The following NTM variants were observed in gnomAD, a reference collection of about 807,000 sequenced individuals.
NTM encodes neurotrimin, also known as IgLON family member 2.
In NTM, 13 loss-of-function variants were observed where a neutral mutation model predicts 42.1. The ratio of observed to expected loss-of-function variants is 0.31; its 90% CI spans 0.20 to 0.49. The LOEUF is 0.49. Ranked by LOEUF, NTM falls within the 20% of genes least tolerant of loss-of-function variation. The probability of loss-of-function intolerance (pLI) is 0.99; values close to 1 mark genes in which losing one functional copy is unlikely to be tolerated. For missense variants in NTM, 373 were observed against 452.8 expected, an observed-to-expected ratio of 0.82 and a Z score of 1.60; for synonymous variants, 187 against 179.2, an observed-to-expected ratio of 1.04 and a Z score of -0.35.
chr11:131,933,662 G>C (rs1484165375), intron 2 of NTM, among the ~76,000 whole-genome samples: 2 of 151,788 alleles, frequency 1.3e-5, no homozygotes, highest in Non-Finnish European at 2.9e-5. Flanking sequence ...CCTCTTCCTG[G>C]AAAGACTCTA....
In NTM at chr11:132,315,822, C is replaced by T. The variant is rs182131148; in HGVS notation, c.934+1119C>T. ...CTGAGAGAGCTGGGAAGGAGAAAGC[C>T]GCCCTTGATCCCCGAGCCAGTGGCT... is the stretch of plus-strand genomic sequence containing the variant. On this transcript the variant is annotated intron_variant, in intron 7 of 8. Transcript: ENST00000683400. Among the ~76,000 whole-genome samples, 167 of 152,276 alleles carry T rather than the reference C, an allele frequency of 1.1e-3. 1 individual carries two copies. The highest frequency in any genetic ancestry group is 1.5e-3 in the Admixed American group (23 of 15,296).
At chr11:131,930,920 A>T (rs2058522407) in intron 2 of NTM, among the ~76,000 whole-genome samples, 1 of 152,226 alleles carries the variant, frequency 6.6e-6, no homozygotes, top group Non-Finnish European at 1.5e-5. Context: ...ACTGGTCTAC[A>T]ACCCATCAGT....
chr11:131,428,311 A>C (rs914145232), intron 1 of NTM, among the ~76,000 whole-genome samples: 1 of 152,302 alleles, frequency 6.6e-6, no homozygotes, highest in Admixed American at 6.5e-5. Context: ...CGTGAACATC[A>C]CCGTAAGTTG....
Position 131,708,417 on chromosome 11 carries a change from G to A in NTM, c.83-203147G>A, listed in dbSNP as rs540269076. 2.6e-5 allele frequency among the ~76,000 whole-genome samples: 4 copies of A among 152,058 alleles called. No individual in the cohort carries two copies. The South Asian group carries it at 8.3e-4, about 32-fold the overall frequency. ...GTTAGAAAAATATTGACTTCATTTT[G>A]GCAGTAAGTATTCCTAAACATTAAC... On this transcript the variant is annotated intron_variant, in intron 1 of 8. Coordinates refer to ENST00000683400, the MANE Select transcript of NTM (RefSeq NM_001352005.2).
chr11:132,209,990 T>C (rs2082586687), intron 3 of NTM, among the ~76,000 whole-genome samples: 1 of 152,148 alleles, frequency 6.6e-6, no homozygotes, highest in South Asian at 2.1e-4. Context: ...AAGGAAAAGA[T>C]CCAACACAAC....
intron 3 of NTM, among the ~76,000 whole-genome samples, chr11:132,202,325 A>G (rs2081285832): frequency 6.6e-6 from 1 of 152,186 alleles, no homozygotes; most frequent in Non-Finnish European, 1.5e-5. Context: ...TGCTCGGAAT[A>G]GAAGGTGTTT....
chr11:131,389,202 G>T (rs1208001069), intron 1 of NTM, among the ~76,000 whole-genome samples: 2 of 152,046 alleles, frequency 1.3e-5, no homozygotes, highest in African/African-American at 4.8e-5. Context: ...TCCCTGCCTC[G>T]GGCCTGGCTC....
At chr11:131,711,444 C>G (rs1022608100) in intron 1 of NTM, among the ~76,000 whole-genome samples, 2 of 152,172 alleles carry the variant, frequency 1.3e-5, no homozygotes, top group African/African-American at 2.4e-5. Context: ...CAATCTCACA[C>G]CAGTTAGAAT....
intron 3 of NTM, among the ~76,000 whole-genome samples, chr11:132,179,969 T>C (rs376531483): frequency 2.6e-5 from 4 of 152,252 alleles, no homozygotes; most frequent in East Asian, 3.9e-4. Context: ...TATTAGAAAA[T>C]AGTGTAACAC....
chr11:131,388,965 T>A (rs1312514647), intron 1 of NTM, among the ~76,000 whole-genome samples: 4 of 134,442 alleles, frequency 3.0e-5, no homozygotes, highest in Admixed American at 2.5e-4. Context: ...TGAGACAAGA[T>A]CATGCCAATG....
At chr11:131,834,297 C>T (rs2043194156) in intron 1 of NTM, among the ~76,000 whole-genome samples, 1 of 152,162 alleles carries the variant, frequency 6.6e-6, no homozygotes, top group African/African-American at 2.4e-5. Flanking sequence ...CCAATACCCA[C>T]TCCCTTCCAC....
intron 1 of NTM, among the ~76,000 whole-genome samples, chr11:131,712,929 TG>T (rs1287949229): frequency 5.3e-5 from 8 of 151,390 alleles, no homozygotes; most frequent in Admixed American, 5.3e-4. Flanking sequence ...AAGAAAAGAA[TG>T]AAAAAGAAGG....
chr11:131,527,907 C>T (rs574970172), intron 1 of NTM, among the ~76,000 whole-genome samples: 2 of 152,324 alleles, frequency 1.3e-5, no homozygotes, highest in Non-Finnish European at 2.9e-5. Flanking sequence ...TGATCATGTA[C>T]TAGTTGAGTA....
chr11:131,564,626 C>A (rs921159508), intron 1 of NTM, among the ~76,000 whole-genome samples: 12 of 152,144 alleles, frequency 7.9e-5, no homozygotes, highest in African/African-American at 2.9e-4. Context: ...TCACTACCAT[C>A]AAGGTAACAA....
chr11:131,822,158 T>C (rs1447180733), intron 1 of NTM, among the ~76,000 whole-genome samples: 7 of 152,212 alleles, frequency 4.6e-5, no homozygotes, highest in Non-Finnish European at 8.8e-5. Context: ...GTTCTTGTTT[T>C]CTCATGCAGT....
At chr11:131,938,232 G>C (rs1341246572) in intron 2 of NTM, among the ~76,000 whole-genome samples, 1 of 152,216 alleles carries the variant, frequency 6.6e-6, no homozygotes, top group Non-Finnish European at 1.5e-5. Context: ...CAGGTGATGT[G>C]ATGGAAAGTA....
At chr11:131,933,611 AG>A (rs894933401) in intron 2 of NTM, among the ~76,000 whole-genome samples, 1 of 152,090 alleles carries the variant, frequency 6.6e-6, no homozygotes, top group Non-Finnish European at 1.5e-5. Flanking sequence ...TAGGTCTCCC[AG>A]GTTTAATCAC....
intron 3 of NTM, among the ~76,000 whole-genome samples, chr11:132,186,079 A>C (rs1283565274): frequency 6.6e-6 from 1 of 152,208 alleles, no homozygotes; most frequent in African/African-American, 2.4e-5. Flanking sequence ...GAAATCAATA[A>C]ATCCCAGGCT....
At chr11:131,844,512 A>G (rs1592233229) in intron 1 of NTM, among the ~76,000 whole-genome samples, 1 of 152,142 alleles carries the variant, frequency 6.6e-6, no homozygotes, top group East Asian at 1.9e-4. Flanking sequence ...TTCTCTTGAT[A>G]TTGTCACTGA....
Sources: allele counts gnomAD v4.1 joint callset (sites outside exome capture counted in the v4.1 genomes callset), GRCh38; gene constraint gnomAD v4.1.1; transcripts MANE v1.5; gene names NCBI Gene and HGNC (gene_info 2026-07-23, HGNC 2026-07-21).